The following TUSC3 variants were observed in gnomAD, a reference collection of about 807,000 sequenced individuals.
The protein encoded by TUSC3 is dolichyl-diphosphooligosaccharide--protein glycosyltransferase subunit TUSC3.
A neutral mutation model predicts 44.8 loss-of-function variants in TUSC3; 45 were observed. The ratio of observed to expected loss-of-function variants is 1.00; its 90% CI spans 0.79 to 1.29. TUSC3 has a LOEUF of 1.29. Ranked by LOEUF, TUSC3 falls within the 50% of genes most tolerant of loss-of-function variation. The pLI, the probability that TUSC3 is intolerant of heterozygous loss-of-function variation, is 0.00. For missense variants in TUSC3, 519 were observed against 437.9 expected, an observed-to-expected ratio of 1.19 and a Z score of -1.65; for synonymous variants, 212 against 152.9, an observed-to-expected ratio of 1.39 and a Z score of -2.85.
intron 2 of TUSC3, among the ~76,000 whole-genome samples, chr8:15,639,504 A>G (rs1256857679): frequency 4.6e-5 from 7 of 152,254 alleles, no homozygotes; most frequent in Admixed American, 1.3e-4. Flanking sequence ...TATATAGGTT[A>G]TAACTGAAAT....
intron 2 of TUSC3, among the ~76,000 whole-genome samples, chr8:15,517,081 C>A (rs905795414): frequency 6.6e-6 from 1 of 152,090 alleles, no homozygotes; most frequent in Non-Finnish European, 1.5e-5. Context: ...CGTCACTAAT[C>A]AATAGCTGCA....
chr8:15,589,707 A>C, intron 1 of TUSC3, among the ~76,000 whole-genome samples: 1 of 143,082 alleles, frequency 7.0e-6, no homozygotes, highest in African/African-American at 2.5e-5. Flanking sequence ...ATGTCTGATT[A>C]TTTTGTTTTT....
At chr8:15,659,379 C>G in intron 3 of TUSC3, 128 bp from the exon 4 acceptor site, 4 of 1,160,596 alleles carry the variant, frequency 3.4e-6, no homozygotes, top group Non-Finnish European at 4.9e-6. Context: ...CAGAAATTTA[C>G]CTCTGGAAAA....
chr8:15,486,697 C>G (rs957203603), intron 2 of TUSC3, among the ~76,000 whole-genome samples: 2 of 152,150 alleles, frequency 1.3e-5, no homozygotes, highest in Admixed American at 1.3e-4. Flanking sequence ...CCTGCCTCCG[C>G]CTCCCAAAGT....
intron 5 of TUSC3, among the ~76,000 whole-genome samples, chr8:15,665,152 T>C (rs559912953): frequency 6.6e-6 from 1 of 151,740 alleles, no homozygotes; most frequent in African/African-American, 2.4e-5. Context: ...TATTGTCATC[T>C]GACTTACACA....
the TUSC3 span, among the ~76,000 whole-genome samples, chr8:15,841,314 T>G: frequency 6.6e-6 from 1 of 152,132 alleles, no homozygotes; most frequent in African/African-American, 2.4e-5. Context: ...TTGTGGTAAT[T>G]AATACATTTC....
chr8:15,810,904 C>T, the TUSC3 span, among the ~76,000 whole-genome samples: 1 of 152,014 alleles, frequency 6.6e-6, no homozygotes, highest in Non-Finnish European at 1.5e-5. Context: ...TAGACAGGAC[C>T]GCTGACACCA....
intron 1 of TUSC3, among the ~76,000 whole-genome samples, chr8:15,448,574 TAGA>T (rs1451790656): frequency 6.6e-6 from 1 of 152,174 alleles, no homozygotes; most frequent in Non-Finnish European, 1.5e-5. Context: ...GTGTATGATG[TAGA>T]AGATTATTAT....
rs561369774 is a variant in TUSC3 at position 15,484,496 on chromosome 8, C to T, written n.189+1013C>T. Among the ~76,000 whole-genome samples, 542 of 152,280 alleles carry T rather than the reference C, an allele frequency of 3.6e-3. 4 individuals carry two copies. The highest frequency in any genetic ancestry group is 7.6e-3 in the Admixed American group (116 of 15,294). On this transcript the variant is annotated intron_variant and non_coding_transcript_variant, in intron 2 of 5. Coordinates refer to the TUSC3 transcript ENST00000503191. ...ACATAGAGCAAGTACGAAATAATCC[C>T]ATAAAAAATATTTTTGTGAGATACA...
chr8:15,840,083 T>C, the TUSC3 span, among the ~76,000 whole-genome samples: 5 of 152,146 alleles, frequency 3.3e-5, no homozygotes, highest in Admixed American at 3.3e-4. Context: ...TGTAGGGACA[T>C]GGATGAAGCT....
At chr8:15,436,952 T>C (rs1192503962) in intron 1 of TUSC3, among the ~76,000 whole-genome samples, 2 of 152,216 alleles carry the variant, frequency 1.3e-5, no homozygotes, top group Non-Finnish European at 2.9e-5. Context: ...TTAAGCAAAT[T>C]AGAATTTATA....
the TUSC3 span, among the ~76,000 whole-genome samples, chr8:15,774,278 C>A: frequency 6.6e-6 from 1 of 152,112 alleles, no homozygotes; most frequent in Non-Finnish European, 1.5e-5. Flanking sequence ...CCGAGTACTT[C>A]AGAGTACATC....
chr8:15,501,787 T>A (rs113858587), intron 2 of TUSC3, among the ~76,000 whole-genome samples: 1 of 152,212 alleles, frequency 6.6e-6, no homozygotes, highest in Non-Finnish European at 1.5e-5. Flanking sequence ...ATTGCCTTAC[T>A]TATTTGTTTT....
chr8:15,422,415 T>G (rs1185921338), intron 1 of TUSC3, among the ~76,000 whole-genome samples: 2 of 152,174 alleles, frequency 1.3e-5, no homozygotes, highest in African/African-American at 4.8e-5. Flanking sequence ...TCTTCAAGAA[T>G]GGGGACCGGC....
the TUSC3 span, among the ~76,000 whole-genome samples, chr8:15,829,689 T>G: frequency 2.0e-5 from 3 of 152,138 alleles, no homozygotes; most frequent in Admixed American, 1.3e-4. Context: ...ATTCTGAGAT[T>G]ATGAAACATT....
chr8:15,660,351 A>C (rs901327522), intron 4 of TUSC3, among the ~76,000 whole-genome samples: 1 of 152,074 alleles, frequency 6.6e-6, no homozygotes, highest in Non-Finnish European at 1.5e-5. Flanking sequence ...AGGTTAGAAA[A>C]ATAGTATTAA....
At chr8:15,811,098 G>C in the TUSC3 span, among the ~76,000 whole-genome samples, 3 of 152,156 alleles carry the variant, frequency 2.0e-5, no homozygotes, top group Admixed American at 6.5e-5. Context: ...AGGAGACAAG[G>C]AGTGTGAACA....
chr8:15,713,757 T>C (rs1233014890), intron 6 of TUSC3, among the ~76,000 whole-genome samples: 1 of 152,082 alleles, frequency 6.6e-6, no homozygotes, highest in Non-Finnish European at 1.5e-5. Context: ...CCTAGTGACC[T>C]CATTTAATGA....
intron 6 of TUSC3, among the ~76,000 whole-genome samples, chr8:15,711,544 G>A (rs963619316): frequency 3.4e-5 from 5 of 147,974 alleles, no homozygotes; most frequent in African/African-American, 4.9e-5. Flanking sequence ...ATATATATTT[G>A]TTTAAATCGC....
Sources: gnomAD v4.1 joint callset for allele counts (sites outside exome capture counted in the v4.1 genomes callset) on GRCh38, gnomAD v4.1.1 for gene constraint, MANE v1.5 for transcripts, NCBI Gene and HGNC (gene_info 2026-07-23, HGNC 2026-07-21) for gene names.